The following ABCA13 variants were observed in gnomAD, a reference collection of about 807,000 sequenced individuals.
ABCA13 encodes the protein ATP-binding cassette sub-family A member 13.
A neutral mutation model predicts 478.7 loss-of-function variants in ABCA13; 476 were observed. The ratio of observed to expected loss-of-function variants is 0.99; its 90% CI spans 0.92 to 1.07. The LOEUF (loss-of-function observed/expected upper bound fraction) is 1.07, where lower values mean the gene tolerates loss of function less well. ABCA13 is among the 50% of genes least tolerant of loss of function. The pLI, the probability that ABCA13 is intolerant of heterozygous loss-of-function variation, is 0.00. For synonymous variants in ABCA13, 2,252 were observed against 2,158.9 expected (o/e 1.04, Z -1.20); for missense variants, 6,060 against 5,910.6 (o/e 1.03, Z -0.83).
chr7:48,599,180 G>A lies in ABCA13; in HGVS notation c.14744+4367G>A, dbSNP rs576485705. Among the ~76,000 whole-genome samples the A allele has an allele frequency of 3.0e-4, 45 of 151,672 alleles. 1 individual carries two copies. In the South Asian group the frequency reaches 9.4e-3, roughly 32 times the overall value. ...TGAAATATTTTTCAATTTCTCTTGT[G>A]ATTACTTCTTTGACCCTTAGTTTAT... On this transcript the variant is annotated intron_variant, in intron 58 of 61. Coordinates refer to ENST00000435803, the MANE Select transcript of ABCA13 (RefSeq NM_152701.5).
At chr7:48,452,256 GA>G (rs1825137349) in intron 42 of ABCA13, among the ~76,000 whole-genome samples, 2 of 152,124 alleles carry the variant, frequency 1.3e-5, no homozygotes, top group South Asian at 4.1e-4. Flanking sequence ...TCATTACATA[GA>G]GGGAAAATAT....
chr7:48,359,211 G>A (rs540461559), intron 31 of ABCA13, among the ~76,000 whole-genome samples: 1 of 152,046 alleles, frequency 6.6e-6, no homozygotes, highest in South Asian at 2.1e-4. Context: ...TGGGTGGGAT[G>A]CTCTGAGTGG....
At chr7:48,227,771 A>C (rs1303040178) in intron 6 of ABCA13, among the ~76,000 whole-genome samples, 1 of 152,232 alleles carries the variant, frequency 6.6e-6, no homozygotes, top group African/African-American at 2.4e-5. Flanking sequence ...TTACTTAATA[A>C]ATTTGGCATT....
At chr7:48,424,166 G>A (rs1027078623) in intron 41 of ABCA13, among the ~76,000 whole-genome samples, 3 of 152,196 alleles carry the variant, frequency 2.0e-5, no homozygotes, top group Admixed American at 1.3e-4. Flanking sequence ...TTCCTGTGCA[G>A]TTGCCTAACC....
Position 48,446,107 on chromosome 7 carries a change from G to A in ABCA13, c.12566-8930G>A, listed in dbSNP as rs1047032204. 2.6e-5 allele frequency among the ~76,000 whole-genome samples: 4 copies of A among 152,048 alleles called. No homozygotes were observed. In the South Asian group the frequency reaches 6.2e-4, roughly 24 times the overall value. ...TTCGGAATGTAGTTTTAAGAGAAGG[G>A]GCCTTTTTAAAGAAAGTTTAAAAAT... is the stretch of plus-strand genomic sequence containing the variant. On this transcript the variant is annotated intron_variant, in intron 42 of 61. Coordinates refer to ENST00000435803, the MANE Select transcript of ABCA13 (RefSeq NM_152701.5).
intron 27 of ABCA13, among the ~76,000 whole-genome samples, chr7:48,332,126 T>A (rs1805504472): frequency 6.6e-6 from 1 of 152,180 alleles, no homozygotes; most frequent in African/African-American, 2.4e-5. Context: ...TGGTCCACAG[T>A]TTCTTTAACC....
At chr7:48,447,862 G>A (rs906663295) in intron 42 of ABCA13, among the ~76,000 whole-genome samples, 1 of 152,178 alleles carries the variant, frequency 6.6e-6, no homozygotes, top group Admixed American at 6.5e-5. Flanking sequence ...GGACCTCAGC[G>A]CATATGAAGA....
At chr7:48,181,994 C>T (rs1305690802) in intron 1 of ABCA13, among the ~76,000 whole-genome samples, 5 of 152,100 alleles carry the variant, frequency 3.3e-5, no homozygotes, top group East Asian at 1.9e-4. Context: ...TTGGCCAACT[C>T]CAGGGTCCCT....
intron 55 of ABCA13, among the ~76,000 whole-genome samples, chr7:48,547,131 T>C (rs1243469111): frequency 6.6e-6 from 1 of 151,858 alleles, no homozygotes; most frequent in Non-Finnish European, 1.5e-5. Context: ...CATGCTTGCA[T>C]GTACATATAC....
chr7:48,394,421 G>A (rs569358773), intron 38 of ABCA13, among the ~76,000 whole-genome samples: 1 of 152,114 alleles, frequency 6.6e-6, no homozygotes, highest in African/African-American at 2.4e-5. Context: ...CCTCACTGCC[G>A]TCCTGGCTCT....
chr7:48,485,295 G>A (rs1272291551), intron 47 of ABCA13, among the ~76,000 whole-genome samples: 2 of 151,864 alleles, frequency 1.3e-5, no homozygotes, highest in Non-Finnish European at 2.9e-5. Context: ...TGAAAGGTCT[G>A]TTTTGAGGTG....
At chr7:48,333,547 T>A (rs1805741488) in intron 27 of ABCA13, among the ~76,000 whole-genome samples, 2 of 152,240 alleles carry the variant, frequency 1.3e-5, no homozygotes, top group East Asian at 3.8e-4. Flanking sequence ...AGCAATATAA[T>A]AGGAGACTTT....
At chr7:48,328,659 A>G (rs1479197361) in intron 27 of ABCA13, among the ~76,000 whole-genome samples, 1 of 152,082 alleles carries the variant, frequency 6.6e-6, no homozygotes, top group Non-Finnish European at 1.5e-5. Flanking sequence ...ATGGTGGTCT[A>G]TTTGATATAA....
At chr7:48,626,399 A>C (rs1793671099) in intron 59 of ABCA13, among the ~76,000 whole-genome samples, 1 of 152,178 alleles carries the variant, frequency 6.6e-6, no homozygotes, top group African/African-American at 2.4e-5. Context: ...TGAACAATGT[A>C]AACCATGTTT....
chr7:48,230,716 T>TATCC (rs1219411495), intron 7 of ABCA13, among the ~76,000 whole-genome samples: 41 of 151,972 alleles, frequency 2.7e-4, no homozygotes, highest in African/African-American at 9.7e-4. Context: ...TCCATCCATC[T>TATCC]ATCCATCTAT....
intron 3 of ABCA13, among the ~76,000 whole-genome samples, chr7:48,201,675 G>A (rs1244732495): frequency 6.6e-6 from 1 of 152,176 alleles, no homozygotes; most frequent in African/African-American, 2.4e-5. Flanking sequence ...AGCAGAGATC[G>A]CACCACTAAA....
intron 55 of ABCA13, among the ~76,000 whole-genome samples, chr7:48,548,787 G>T (rs1006186109): frequency 6.6e-6 from 1 of 151,666 alleles, no homozygotes; most frequent in Non-Finnish European, 1.5e-5. Flanking sequence ...GTTCCCTCAT[G>T]CCAGGGTGTT....
At chr7:48,411,685 A>G (rs1819265492) in intron 40 of ABCA13, among the ~76,000 whole-genome samples, 1 of 152,174 alleles carries the variant, frequency 6.6e-6, no homozygotes, top group Admixed American at 6.5e-5. Context: ...TAGTGAGGGT[A>G]TAGAGCAAGT....
intron 55 of ABCA13, among the ~76,000 whole-genome samples, chr7:48,538,183 C>T (rs1370933418): frequency 1.3e-5 from 2 of 148,182 alleles, no homozygotes; most frequent in Non-Finnish European, 3.0e-5. Context: ...TCACTGTAAC[C>T]TCTGCCTCCT....
Sources: gnomAD v4.1 joint callset for allele counts (sites outside exome capture counted in the v4.1 genomes callset) on GRCh38, gnomAD v4.1.1 for gene constraint, MANE v1.5 for transcripts, NCBI Gene and HGNC (gene_info 2026-07-23, HGNC 2026-07-21) for gene names.